The following SCP2 variants were observed in gnomAD, a reference collection of about 807,000 sequenced individuals.
The protein encoded by SCP2 is SCP-2/3-oxoacyl-CoA thiolase.
In SCP2, 48 loss-of-function variants were observed where a neutral mutation model predicts 71.4. That is an observed-to-expected ratio of 0.67 (90% CI 0.53 to 0.86). SCP2 has a LOEUF of 0.86. SCP2 is among the 40% of genes least tolerant of loss of function. The pLI, the probability that SCP2 is intolerant of heterozygous loss-of-function variation, is 0.00. For synonymous variants in SCP2, 220 were observed against 218.1 expected, an observed-to-expected ratio of 1.01 and a Z score of -0.08; for missense variants, 560 against 655.6, an observed-to-expected ratio of 0.85 and a Z score of 1.59.
rs1003885776 is a variant in SCP2, at chr1:53,015,020, G to A, written c.1212G>A (p.Lys404=). 1.2e-6 allele frequency: 2 copies of A among 1,614,070 alleles called. No homozygotes were observed. The highest frequency in any genetic ancestry group is 1.7e-6 in the Non-Finnish European group (2 of 1,180,024). ...GAGCTGTGGTTGTAACACTCTACAA[G>A]ATGGGTTTTCCGGAAGCCGCCAGGT... The part of the protein sequence containing the change: ...IGGAVVVTLY[K]MGFPEAASSF... The change falls in exon 12 of 16, where the codon AAG becomes AAA. Residue 404 remains lysine, a synonymous_variant. Transcript: ENST00000371514.
intron 12 of SCP2, among the ~76,000 whole-genome samples, chr1:53,027,733 G>T (rs1456429188): frequency 6.6e-6 from 1 of 152,144 alleles, no homozygotes; most frequent in African/African-American, 2.4e-5. Context: ...TCGAACTCCC[G>T]ACTACAGGTG....
chr1:52,956,953 A>G (rs888362699), intron 5 of SCP2, among the ~76,000 whole-genome samples: 1 of 126,098 alleles, frequency 7.9e-6, no homozygotes, highest in African/African-American at 3.2e-5. Flanking sequence ...TCTGTCACCC[A>G]GGCTGGAGTG....
chr1:52,995,583 A>T lies in SCP2; in HGVS notation c.1081+7447A>T, dbSNP rs79465524. The T allele has an allele frequency of 4.5e-5, 22 of 491,316 alleles. No individual in the cohort carries two copies. The Admixed American group carries it at 4.7e-4, about 10-fold the overall frequency. The allele number at this position is 491,316 out of a possible 1,614,324, so 30.4% of individuals were successfully genotyped here. A position where few individuals can be genotyped will look rare whatever the true frequency, so the allele number is the denominator to read the frequency against. On this transcript the variant is annotated intron_variant, in intron 11 of 15. Transcript: ENST00000371514. ...AGCTTTCACAGTGCCCAAACTCATC[A>T]GGTAGGATTTCAATGCCAAGAACAT... is the stretch of plus-strand genomic sequence containing the variant.
intron 11 of SCP2, 93 bp from the exon 12 acceptor site, chr1:53,014,797 A>T: frequency 6.9e-7 from 1 of 1,444,938 alleles, no homozygotes; most frequent in Non-Finnish European, 9.5e-7. Context: ...GCCTCGGCTT[A>T]ATCAAATGCT....
Position 53,048,001 on chromosome 1 carries a change from C to T in SCP2, c.1548+64C>T, listed in dbSNP as rs765274721. ...TCTTTCAGCCCTTTCTACTCCATCT[C>T]CTGACTCAGACTCTAAAGTGCAAAG... On this transcript the variant is annotated intron_variant, in intron 15 of 15. Transcript: ENST00000371514. The T allele has an allele frequency of 2.7e-6, 3 of 1,112,978 alleles. No homozygotes were observed. The East Asian group carries it at 7.1e-5, about 26-fold the overall frequency. 68.9% of individuals were successfully genotyped at this position (1,112,978 alleles called of 1,614,324 possible).
chr1:53,033,272 T>G (rs1436554303), intron 13 of SCP2, among the ~76,000 whole-genome samples: 1 of 152,190 alleles, frequency 6.6e-6, no homozygotes, highest in Non-Finnish European at 1.5e-5. Context: ...TGTCTAAGAT[T>G]CCAGGTGGCT....
chr1:52,937,091 G>A (rs1653811719), intron 1 of SCP2, among the ~76,000 whole-genome samples: 1 of 152,024 alleles, frequency 6.6e-6, no homozygotes, highest in African/African-American at 2.4e-5. Flanking sequence ...AGAAGGGTAA[G>A]AGATATGTAA....
At chr1:53,009,967 G>T (rs1266791574) in intron 11 of SCP2, among the ~76,000 whole-genome samples, 2 of 152,178 alleles carry the variant, frequency 1.3e-5, no homozygotes, top group Non-Finnish European at 2.9e-5. Flanking sequence ...AGCGGGAGAA[G>T]GATATGAACA....
intron 10 of SCP2, among the ~76,000 whole-genome samples, chr1:52,980,954 C>T (rs1019111653): frequency 5.3e-5 from 8 of 152,086 alleles, no homozygotes; most frequent in Non-Finnish European, 1.0e-4. Flanking sequence ...TTTTCTGAGA[C>T]GGAGACTCTC....
intron 11 of SCP2, among the ~76,000 whole-genome samples, chr1:53,008,048 G>C (rs921271498): frequency 1.1e-4 from 16 of 151,866 alleles, no homozygotes; most frequent in Admixed American, 2.0e-4. Context: ...ATAAATTCCT[G>C]GACACATACA....
chr1:52,971,127 C>T (rs145251282), intron 6 of SCP2, among the ~76,000 whole-genome samples: 2 of 152,118 alleles, frequency 1.3e-5, no homozygotes, highest in African/African-American at 4.8e-5. Context: ...AGATGCCCGC[C>T]ACCACGCCTG....
At chr1:52,943,542 A>G in intron 2 of SCP2, 1 of 268,130 alleles carries the variant, frequency 3.7e-6, no homozygotes, top group Non-Finnish European at 7.4e-6. Flanking sequence ...TCTTAAGCAC[A>G]TTCTCTGCAT....
At position 52,961,568 on chromosome 1, in the gene SCP2, T is replaced by G. The variant is rs1403368604; in HGVS notation, c.462T>G (p.Ser154=). 1 of 1,613,716 alleles carries G rather than the reference T, an allele frequency of 6.2e-7. No individual in the cohort carries two copies. The highest frequency in any genetic ancestry group is 1.1e-5 in the South Asian group (1 of 91,066). The change falls in exon 6 of 16, where the codon TCT becomes TCG. Residue 154 remains serine (S), a synonymous_variant. Coordinates refer to ENST00000371514, the MANE Select transcript of SCP2 (RefSeq NM_002979.5). ...VDLLINKYGL[S]AHPVAPQMFG... is the part of the protein sequence containing the mutation. ...TCCTGATCAATAAGTATGGATTGTC[T>G]GCTCACCCAGTTGCTCCTCAGATGT...
At chr1:53,012,487 A>G (rs543894698) in intron 11 of SCP2, among the ~76,000 whole-genome samples, 2 of 152,334 alleles carry the variant, frequency 1.3e-5, no homozygotes, top group African/African-American at 2.4e-5. Flanking sequence ...TTGATTTTTC[A>G]GGAAACCTTC....
At chr1:52,959,775 C>G (rs1656167045) in intron 5 of SCP2, among the ~76,000 whole-genome samples, 1 of 151,994 alleles carries the variant, frequency 6.6e-6, no homozygotes, top group South Asian at 2.1e-4. Flanking sequence ...CCCTTCCCTT[C>G]TTCTGGTGTT....
intron 11 of SCP2, among the ~76,000 whole-genome samples, 154 bp downstream of exon 11, chr1:52,988,290 TA>T (rs1397520730): frequency 6.6e-6 from 1 of 152,238 alleles, no homozygotes; most frequent in Non-Finnish European, 1.5e-5. Flanking sequence ...GATGTTCCAT[TA>T]AGTAGAGCAC....
chr1:52,965,462 T>C (rs1252312561), intron 6 of SCP2, among the ~76,000 whole-genome samples: 2 of 152,204 alleles, frequency 1.3e-5, no homozygotes, highest in Non-Finnish European at 2.9e-5. Context: ...CTTTGTGTCT[T>C]TCAGGAGTGT....
chr1:53,005,868 T>C (rs1200311664), intron 11 of SCP2, among the ~76,000 whole-genome samples: 1 of 152,058 alleles, frequency 6.6e-6, no homozygotes, highest in Non-Finnish European at 1.5e-5. Flanking sequence ...GCAAAGAAGC[T>C]AAAAACCTTG....
intron 13 of SCP2, among the ~76,000 whole-genome samples, chr1:53,033,707 C>T (rs1431728398): frequency 1.3e-5 from 2 of 151,726 alleles, no homozygotes; most frequent in East Asian, 1.9e-4. Flanking sequence ...TGGAAACCCT[C>T]ATTAATTGCT....
Sources: gnomAD v4.1 joint callset for allele counts (sites outside exome capture counted in the v4.1 genomes callset) on GRCh38, gnomAD v4.1.1 for gene constraint, MANE v1.5 for transcripts, NCBI Gene and HGNC (gene_info 2026-07-23, HGNC 2026-07-21) for gene names.